Variants in DMRTA2 observed in about 807,000 individuals in gnomAD.
The protein encoded by DMRTA2 is doublesex- and mab-3-related transcription factor A2.
A neutral mutation model predicts 29.7 loss-of-function variants in DMRTA2; 10 were observed. The observed-to-expected ratio is 0.34, with a 90% CI of 0.21 to 0.57. The LOEUF (loss-of-function observed/expected upper bound fraction) is 0.57, where lower values mean the gene tolerates loss of function less well. Among genes scored for constraint, DMRTA2 ranks in the 20% least tolerant of loss-of-function variants. The pLI, the probability that DMRTA2 is intolerant of heterozygous loss-of-function variation, is 0.87. For synonymous variants in DMRTA2, 469 were observed against 402.6 expected (o/e 1.16, Z -1.97); for missense variants, 783 against 812.1 (o/e 0.96, Z 0.44).
chr1:50,421,037 C>G lies in DMRTA2; in HGVS notation c.500G>C (p.Gly167Ala). ...FGSVCAADGG[G>A]PGAGAPAGTG... is the part of the protein sequence containing the mutation. ...CCCCGCGGGCGCTCCCGCTCCAGGT[C>G]CCCCGCCGTCGGCGGCGCACACTGA... is the stretch of plus-strand genomic sequence containing the variant. The change falls in exon 2 of 3, where the codon GGA becomes GCA. Residue 167 changes from glycine (G) to alanine (A), a missense_variant. This residue lies in a region of DMRTA2 where 667 missense variants were observed against 624.8 expected (regional missense o/e 1.07). Coordinates refer to ENST00000404795, the MANE Select transcript of DMRTA2 (RefSeq NM_032110.3). This position sits in a 1 kb window ranked among gnomAD's most constrained non-coding sequence, Gnocchi z 8.7. 1 of 1,511,576 alleles carries G rather than the reference C, an allele frequency of 6.6e-7. No individual in the cohort carries two copies. Among genetic ancestry groups the G allele is most frequent in the Non-Finnish European group, 8.8e-7 (1 of 1,136,464 alleles). 93.6% of individuals were successfully genotyped at this position (1,511,576 alleles called of 1,614,324 possible). A position where few individuals can be genotyped will look rare whatever the true frequency, so the allele number is the denominator to read the frequency against.
In DMRTA2 at chr1:50,418,692, C is replaced by A; in HGVS notation, c.1602G>T (p.Met534Ile). Residue 534 changes from methionine to isoleucine, a missense_variant, in exon 3 of 3, where the codon ATG (methionine) becomes ATT (isoleucine). Transcript: ENST00000404795. ...PTYGGGLYGP[M>I]VNGAPEKQ Reference sequence around the variant, plus strand: ...ACTGCTTCTCCGGAGCGCCGTTGACCATAGGCCCGTACAGGCCGCCGCCGT... The same window carrying A: ...ACTGCTTCTCCGGAGCGCCGTTGACAATAGGCCCGTACAGGCCGCCGCCGT... The A allele has an allele frequency of 6.8e-7, 1 of 1,466,150 alleles. No homozygotes were observed. Among genetic ancestry groups the A allele is most frequent in the Non-Finnish European group, 9.0e-7 (1 of 1,113,886 alleles). The allele number at this position is 1,466,150 out of a possible 1,614,324, so 90.8% of individuals were successfully genotyped here. A position where few individuals can be genotyped will look rare whatever the true frequency, so the allele number is the denominator to read the frequency against.
rs565984867 is a variant in DMRTA2 at position 50,418,715 on chromosome 1, C to T, written c.1579G>A (p.Gly527Ser). ...AAAVHKEPTY[G>S]GGLYGPMVNG... ...ACCATAGGCCCGTACAGGCCGCCGCCGTAGGTCGGCTCCTTGTGCACCGCC... is the reference window on the plus strand; with the variant it reads ...ACCATAGGCCCGTACAGGCCGCCGCTGTAGGTCGGCTCCTTGTGCACCGCC... The change falls in exon 3 of 3, where the codon GGC (glycine) becomes AGC (serine). Residue 527 changes from glycine (G) to serine (S), a missense_variant. Gly to Ser is a moderately conservative substitution (Grantham distance 56). This residue lies in a region of DMRTA2 where 667 missense variants were observed against 624.8 expected (regional missense o/e 1.07). Transcript: ENST00000404795. The T allele has an allele frequency of 1.3e-6, 2 of 1,520,300 alleles. No homozygotes were observed. Among genetic ancestry groups the T allele is most frequent in the South Asian group, 2.5e-5 (2 of 79,264 alleles). 94.2% of individuals were successfully genotyped at this position (1,520,300 alleles called of 1,614,324 possible).
Position 50,418,297 on chromosome 1 carries a change from A to G in DMRTA2, c.*368T>C. The G allele has an allele frequency of 5.1e-6, 1 of 196,358 alleles. No homozygotes were observed. Among genetic ancestry groups the G allele is most frequent in the Non-Finnish European group, 1.0e-5 (1 of 97,908 alleles). 12.2% of individuals were successfully genotyped at this position (196,358 alleles called of 1,614,324 possible). A position where few individuals can be genotyped will look rare whatever the true frequency, so the allele number is the denominator to read the frequency against. The stretch of plus-strand genomic sequence containing the variant: ...AGACTCTCGGATTATCCTGCCATCC[A>G]CTGAGAGCCGGATGAGCACAGCTAA... On this transcript the variant is annotated 3_prime_UTR_variant, in exon 3 of 3. Transcript: ENST00000404795.
In DMRTA2 at chr1:50,419,371, C is replaced by T; in HGVS notation, c.923G>A (p.Gly308Asp). The T allele has an allele frequency of 6.3e-7, 1 of 1,596,824 alleles. No homozygotes were observed. The highest frequency in any genetic ancestry group is 8.5e-7 in the Non-Finnish European group (1 of 1,179,028). The change falls in exon 3 of 3, where the codon GGC becomes GAC. Residue 308 changes from glycine to aspartate, a missense_variant. Gly to Asp is a moderately conservative substitution (Grantham distance 94). Transcript: ENST00000404795. This position sits in a 1 kb window ranked among gnomAD's most constrained non-coding sequence, Gnocchi z 6.1. ...EAAPAPGLGG[G>D]SGPRQRTPLD... The stretch of plus-strand genomic sequence containing the variant: ...CGGCGTCCGCTGCCGTGGACCCGAG[C>T]CTCCGCCCAGCCCTGGCGCCGGCGC...
rs1357367261 is a variant in DMRTA2 at position 50,422,475 on chromosome 1, A to C, written c.-9+641T>G. ...CAGGGGCCGCGCCTGGGAGAGGGGA[A>C]TGTGTAAGAAAAAACCCCACAGGCA... On this transcript the variant is annotated intron_variant, in intron 1 of 2. Coordinates refer to ENST00000404795, the MANE Select transcript of DMRTA2 (RefSeq NM_032110.3). This position sits in a 1 kb window ranked among gnomAD's most constrained non-coding sequence, Gnocchi z 5.7. 6.6e-6 allele frequency among the ~76,000 whole-genome samples: 1 copy of C among 152,084 alleles called. No homozygotes were observed. The highest frequency in any genetic ancestry group is 1.5e-5 in the Non-Finnish European group (1 of 68,002).
Position 50,419,541 on chromosome 1 carries a change from G to A in DMRTA2, c.753C>T (p.Pro251=). The A allele has an allele frequency of 1.3e-6, 2 of 1,575,406 alleles. No homozygotes were observed. Among genetic ancestry groups the A allele is most frequent in the Non-Finnish European group, 1.7e-6 (2 of 1,163,644 alleles). The change falls in exon 3 of 3, where the codon CCC becomes CCT. Residue 251 remains proline, a synonymous_variant. Transcript: ENST00000404795. The surrounding 1 kb of genome is among the most constrained non-coding windows in gnomAD (Gnocchi z 6.1). ...NGDGESFSGS[P]LARASKEAGG... The stretch of plus-strand genomic sequence containing the variant: ...CTGCCTCTTTGGAGGCCCGAGCTAG[G>A]GGCGAACCAGAAAAGGACTCGCCAT...
rs1043992157 is a variant in DMRTA2 at position 50,421,382 on chromosome 1, C to G, written c.155G>C (p.Arg52Pro). 1 of 1,493,662 alleles carries G rather than the reference C, an allele frequency of 6.7e-7. No homozygotes were observed. The highest frequency in any genetic ancestry group is 1.5e-5 in the African/African-American group (1 of 68,544). The allele number at this position is 1,493,662 out of a possible 1,614,324, so 92.5% of individuals were successfully genotyped here. Residue 52 changes from arginine to proline, a missense_variant, in exon 2 of 3, where the codon CGG becomes CCG. Physicochemically the swap from Arg to Pro is moderately radical, Grantham distance 103. Transcript: ENST00000404795. The surrounding 1 kb of genome is among the most constrained non-coding windows in gnomAD (Gnocchi z 8.7). ...LPVSVAGGLL[R>P]GPPLLLRAAE... ...TGCCCGCAGCAACAGTGGCGGCCCC[C>G]GCAGCAAGCCGCCTGCCACGCTCAC...
At position 50,420,579 on chromosome 1, in the gene DMRTA2, G is replaced by A. The variant is rs148010454; in HGVS notation, c.559+399C>T. Among the ~76,000 whole-genome samples the A allele has an allele frequency of 7.9e-5, 12 of 152,232 alleles. No homozygotes were observed. Among genetic ancestry groups the A allele is most frequent in the African/African-American group, 2.6e-4 (11 of 41,542 alleles). On this transcript the variant is annotated intron_variant, in intron 2 of 2. Transcript: ENST00000404795. The surrounding 1 kb of genome is among the most constrained non-coding windows in gnomAD (Gnocchi z 4.1). ...CAAAACCTAGGGTGTCAGTTAAAGG[G>A]GGGGGGATTCCTTAAGGGAGTTGGG...
chr1:50,419,778 G>A lies in DMRTA2; in HGVS notation c.560-44C>T, dbSNP rs756942313. 1.1e-5 allele frequency: 16 copies of A among 1,423,960 alleles called. No homozygotes were observed. Among genetic ancestry groups the A allele is most frequent in the Non-Finnish European group, 1.5e-5 (16 of 1,084,752 alleles). 88.2% of individuals were successfully genotyped at this position (1,423,960 alleles called of 1,614,324 possible). A position where few individuals can be genotyped will look rare whatever the true frequency, so the allele number is the denominator to read the frequency against. On this transcript the variant is annotated intron_variant, in intron 2 of 2. Coordinates refer to ENST00000404795, the MANE Select transcript of DMRTA2 (RefSeq NM_032110.3). The surrounding 1 kb of genome is among the most constrained non-coding windows in gnomAD (Gnocchi z 6.1). ...TGTCGTGAGGAGCGGTTAGCTAGAA[G>A]ACAGCAGTCACAGCACCTCGGCCCT...
chr1:50,419,685 T>C lies in DMRTA2; in HGVS notation c.609A>G (p.Ala203=). The C allele has an allele frequency of 6.7e-7, 1 of 1,501,310 alleles. No homozygotes were observed. The highest frequency in any genetic ancestry group is 2.5e-5 in the East Asian group (1 of 39,714). 93.0% of individuals were successfully genotyped at this position (1,501,310 alleles called of 1,614,324 possible). The change falls in exon 3 of 3, where the codon GCA becomes GCG. Residue 203 remains alanine, a synonymous_variant. Coordinates refer to ENST00000404795, the MANE Select transcript of DMRTA2 (RefSeq NM_032110.3). This position sits in a 1 kb window ranked among gnomAD's most constrained non-coding sequence, Gnocchi z 6.1. ...GCGGCAGCGGGCTGCCCGGGCGGCC[T>C]GCCTGCAGCAGCGTCTTAGGAAACA... ...FDLFPKTLLQ[A]GRPGSPLPPP...
At position 50,419,083 on chromosome 1, in the gene DMRTA2, G is replaced by A. The variant is rs758271273; in HGVS notation, c.1211C>T (p.Ala404Val). Residue 404 changes from alanine (A) to valine (V), a missense_variant, in exon 3 of 3, where the codon GCG becomes GTG. Ala to Val is a moderately conservative substitution (Grantham distance 64, BLOSUM62 0). Coordinates refer to ENST00000404795, the MANE Select transcript of DMRTA2 (RefSeq NM_032110.3). This position sits in a 1 kb window ranked among gnomAD's most constrained non-coding sequence, Gnocchi z 6.1. ...TGCGGCGGGCCCCGCCTGCAGCGGC[G>A]CAGGCAGCCCAGGCCCCCCGGCGGC... ...AAAAGGPGLP[A>V]PLQAGPAAPP... 6 of 1,250,300 alleles carry A rather than the reference G, an allele frequency of 4.8e-6. No individual in the cohort carries two copies. In the African/African-American group the frequency reaches 6.3e-5, roughly 13 times the overall value. The allele number at this position is 1,250,300 out of a possible 1,614,324, so 77.5% of individuals were successfully genotyped here. A position where few individuals can be genotyped will look rare whatever the true frequency, so the allele number is the denominator to read the frequency against.
Position 50,418,948 on chromosome 1 carries a change from C to T in DMRTA2, c.1346G>A (p.Gly449Asp). 1.4e-6 allele frequency: 2 copies of T among 1,451,402 alleles called. No individual in the cohort carries two copies. The highest frequency in any genetic ancestry group is 1.8e-6 in the Non-Finnish European group (2 of 1,106,890). 89.9% of individuals were successfully genotyped at this position (1,451,402 alleles called of 1,614,324 possible). ...SPLQPNASHF[G>D]ADAGAYPLGA... ...CAGCGGGTAGGCGCCCGCGTCGGCA[C>T]CGAAGTGACTGGCGTTGGGCTGCAG... The change falls in exon 3 of 3, where the codon GGT becomes GAT. Residue 449 changes from glycine (G) to aspartate (D), a missense_variant. Gly to Asp is a moderately conservative substitution (Grantham distance 94, BLOSUM62 -1). Transcript: ENST00000404795.
chr1:50,418,606 C>T lies in DMRTA2; in HGVS notation c.*59G>A. 1.5e-6 allele frequency: 2 copies of T among 1,298,372 alleles called. No individual in the cohort carries two copies. Among genetic ancestry groups the T allele is most frequent in the Non-Finnish European group, 2.0e-6 (2 of 1,009,064 alleles). 80.4% of individuals were successfully genotyped at this position (1,298,372 alleles called of 1,614,324 possible). ...CGCTGGGCGAAGAGGGGTCGATGGC[C>T]CGCGGGAACAGGGCTGGGGTTCCTG... On this transcript the variant is annotated 3_prime_UTR_variant, in exon 3 of 3. Coordinates refer to ENST00000404795, the MANE Select transcript of DMRTA2 (RefSeq NM_032110.3).
In DMRTA2 at chr1:50,421,823, G is replaced by A. The variant is rs1286651534; in HGVS notation, c.-8-279C>T. Among the ~76,000 whole-genome samples the A allele has an allele frequency of 6.6e-6, 1 of 152,284 alleles. No homozygotes were observed. ...GTGATTCCGCTGGAAAAAATAAAGA[G>A]ACATGTAAAGTGTGAAAGTCACTGA... On this transcript the variant is annotated intron_variant, in intron 1 of 2. Coordinates refer to ENST00000404795, the MANE Select transcript of DMRTA2 (RefSeq NM_032110.3). This position sits in a 1 kb window ranked among gnomAD's most constrained non-coding sequence, Gnocchi z 8.7.
rs764767729 is a variant in DMRTA2 at position 50,418,875 on chromosome 1, C to A, written c.1419G>T (p.Ala473=). The A allele has an allele frequency of 2.0e-6, 3 of 1,522,180 alleles. No individual in the cohort carries two copies. The East Asian group carries it at 8.0e-5, about 41-fold the overall frequency. 94.3% of individuals were successfully genotyped at this position (1,522,180 alleles called of 1,614,324 possible). The change falls in exon 3 of 3, where the codon GCG becomes GCT. Residue 473 remains alanine (A), a synonymous_variant. Transcript: ENST00000404795. ...AGGCCAGACCGCGGCTGTGCGCCGC[C>A]GCCGCGGAGTAGGCCAGGCGCAGGG... ...LSPLRLAYSA[A]AAHSRGLAFM...
rs1202435065 is a variant in DMRTA2, at chr1:50,418,720, G to A, written c.1574C>T (p.Thr525Ile). The A allele has an allele frequency of 6.5e-7, 1 of 1,530,368 alleles. No homozygotes were observed. Among genetic ancestry groups the A allele is most frequent in the Non-Finnish European group, 8.7e-7 (1 of 1,144,096 alleles). The allele number at this position is 1,530,368 out of a possible 1,614,324, so 94.8% of individuals were successfully genotyped here. ...AGGCCCGTACAGGCCGCCGCCGTAGGTCGGCTCCTTGTGCACCGCCGCAGC... is the reference window on the plus strand; with the variant it reads ...AGGCCCGTACAGGCCGCCGCCGTAGATCGGCTCCTTGTGCACCGCCGCAGC... ...AAAAAVHKEP[T>I]YGGGLYGPMV... Residue 525 changes from threonine to isoleucine, a missense_variant, in exon 3 of 3, where the codon ACC becomes ATC. Physicochemically the swap from Thr to Ile is moderately conservative, Grantham distance 89 (BLOSUM62 -1). This residue lies in a region of DMRTA2 where 667 missense variants were observed against 624.8 expected (regional missense o/e 1.07). Transcript: ENST00000404795.
chr1:50,422,841 T>C lies in DMRTA2; in HGVS notation c.-9+275A>G, dbSNP rs573220050. Among the ~76,000 whole-genome samples the C allele has an allele frequency of 6.6e-6, 1 of 151,696 alleles. No homozygotes were observed. Among genetic ancestry groups the C allele is most frequent in the East Asian group, 1.9e-4 (1 of 5,132 alleles). On this transcript the variant is annotated intron_variant, in intron 1 of 2. Transcript: ENST00000404795. The surrounding 1 kb of genome is among the most constrained non-coding windows in gnomAD (Gnocchi z 5.7). ...AACTGGCCATAAACGGACACCAGAG[T>C]CCCTCCCACGCCGCAGCCCCATAAG... is the stretch of plus-strand genomic sequence containing the variant.
chr1:50,418,935 G>A lies in DMRTA2; in HGVS notation c.1359C>T (p.Gly453=), dbSNP rs1417309037. Residue 453 remains glycine, a synonymous_variant, in exon 3 of 3, where the codon GGC becomes GGT. Coordinates refer to ENST00000404795, the MANE Select transcript of DMRTA2 (RefSeq NM_032110.3). ...CGAGCGGCGCGCCCAGCGGGTAGGCGCCCGCGTCGGCACCGAAGTGACTGG... is the reference window on the plus strand; with the variant it reads ...CGAGCGGCGCGCCCAGCGGGTAGGCACCCGCGTCGGCACCGAAGTGACTGG... The part of the protein sequence containing the change: ...PNASHFGADA[G]AYPLGAPLGL... 8.3e-6 allele frequency: 12 copies of A among 1,437,968 alleles called. No homozygotes were observed. The highest frequency in any genetic ancestry group is 2.3e-4 in the Middle Eastern group (1 of 4,276). 89.1% of individuals were successfully genotyped at this position (1,437,968 alleles called of 1,614,324 possible).
At position 50,419,105 on chromosome 1, in the gene DMRTA2, C is replaced by CA. The variant is rs1646014500; in HGVS notation, c.1188_1189insT (p.Ala397CysfsTer110). The CA allele has an allele frequency of 1.1e-5, 9 of 784,818 alleles. No individual in the cohort carries two copies. The highest frequency in any genetic ancestry group is 6.6e-5 in the South Asian group (1 of 15,104). The allele number at this position is 784,818 out of a possible 1,614,324, so 48.6% of individuals were successfully genotyped here. A position where few individuals can be genotyped will look rare whatever the true frequency, so the allele number is the denominator to read the frequency against. ...GGCGCAGGCAGCCCAGGCCCCCCGGCGGCGGCGGCGGCGGCGGCGGCGGCG... is the reference window on the plus strand; with the variant it reads ...GGCGCAGGCAGCCCAGGCCCCCCGGCAGGCGGCGGCGGCGGCGGCGGCGGCG... On this transcript the variant is annotated frameshift_variant, in exon 3 of 3. Transcript: ENST00000404795. LOFTEE classifies it high-confidence loss of function. This position sits in a 1 kb window ranked among gnomAD's most constrained non-coding sequence, Gnocchi z 6.1.
Sources: allele counts gnomAD v4.1 joint callset (sites outside exome capture counted in the v4.1 genomes callset), GRCh38; gene constraint gnomAD v4.1.1; regional missense constraint gnomAD v4.1.1; non-coding constraint Gnocchi (gnomAD v3.1); transcripts MANE v1.5; gene names NCBI Gene and HGNC (gene_info 2026-07-23, HGNC 2026-07-21).